The following DDX21 variants were observed in gnomAD, a reference collection of about 807,000 sequenced individuals.
DDX21 encodes the protein nucleolar RNA helicase 2.
DDX21 carries 18 observed loss-of-function variants against 90.0 expected under a neutral mutation model. That is an observed-to-expected ratio of 0.20 (90% CI 0.14 to 0.30). The LOEUF (loss-of-function observed/expected upper bound fraction) is 0.30. DDX21 is among the 10% of genes least tolerant of loss of function. The probability of loss-of-function intolerance (pLI) is 1.00; values close to 1 mark genes in which losing one functional copy is unlikely to be tolerated. For synonymous variants in DDX21, 294 were observed against 318.0 expected (o/e 0.92, Z 0.80); for missense variants, 673 against 944.5 (o/e 0.71, Z 3.77).
chr10:68,967,722 A>G (rs1486043929), intron 6 of DDX21, among the ~76,000 whole-genome samples: 1 of 152,166 alleles, frequency 6.6e-6, no homozygotes, highest in Non-Finnish European at 1.5e-5. Context: ...TTTATTGTAT[A>G]TATGTGTTGA....
At chr10:68,969,186 T>C in intron 7 of DDX21, 65 bp downstream of exon 7, 1 of 1,438,882 alleles carries the variant, frequency 6.9e-7, no homozygotes, top group African/African-American at 1.4e-5. Flanking sequence ...CTGTTAGTAT[T>C]AAGACTGGCA....
intron 3 of DDX21, among the ~76,000 whole-genome samples, chr10:68,962,484 C>T (rs1842885853): frequency 6.6e-6 from 1 of 152,172 alleles, no homozygotes; most frequent in African/African-American, 2.4e-5. Flanking sequence ...CACGTGGTAA[C>T]ACACATCTAT....
intron 13 of DDX21, among the ~76,000 whole-genome samples, chr10:68,979,560 T>G (rs2132095613): frequency 6.6e-6 from 1 of 152,342 alleles, no homozygotes; most frequent in African/African-American, 2.4e-5. Flanking sequence ...AGCAATGATT[T>G]TATCACGTCA....
chr10:68,980,176 G>A (rs781707777), intron 13 of DDX21, among the ~76,000 whole-genome samples: 38 of 152,260 alleles, frequency 2.5e-4, no homozygotes, highest in Admixed American at 4.6e-4. Flanking sequence ...GGTGGCAGAG[G>A]TTGCGGTGAG....
chr10:68,962,192 C>T (rs769742940), intron 3 of DDX21, 35 bp downstream of exon 3: 16 of 1,472,912 alleles, frequency 1.1e-5, no homozygotes, highest in East Asian at 6.8e-5. Context: ...GATGTTAGAA[C>T]GTATTATTTT....
At position 68,970,104 on chromosome 10, in the gene DDX21, A is replaced by G. The variant is rs1309259081; in HGVS notation, c.1237-97A>G. ...GAGTAGTTGTTTCCAGGAGCAAGACATTAGAACATTAGTGTTGTGCTCACT... is the reference window on the plus strand; with the variant it reads ...GAGTAGTTGTTTCCAGGAGCAAGACGTTAGAACATTAGTGTTGTGCTCACT... On this transcript the variant is annotated intron_variant, in intron 7 of 14. Transcript: ENST00000354185. 3.3e-6 allele frequency: 4 copies of G among 1,199,430 alleles called. No homozygotes were observed. The East Asian group carries it at 9.8e-5, about 29-fold the overall frequency. 74.3% of individuals were successfully genotyped at this position (1,199,430 alleles called of 1,614,324 possible).
At chr10:68,981,183 A>T (rs1442243074) in intron 13 of DDX21, among the ~76,000 whole-genome samples, 1 of 152,234 alleles carries the variant, frequency 6.6e-6, no homozygotes, top group Admixed American at 6.5e-5. Context: ...GCCATTTAAT[A>T]GCTGTGGGGC....
chr10:68,970,276 C>A lies in DDX21; in HGVS notation c.1312C>A (p.Gln438Lys). ...GDVIRVYSGH[Q>K]GRTIIFCETK... ...TGTCATCCGAGTATATAGTGGTCAT[C>A]AAGGACGCACTATCATCTTTTGTGA... Residue 438 changes from glutamine to lysine, a missense_variant, in exon 8 of 15, where the codon CAA becomes AAA. Gln to Lys is a moderately conservative substitution (Grantham distance 53). Around this residue, in one of 4 missense-constraint regions of DDX21, gnomAD observed 218 missense variants for 347.3 expected, o/e 0.63. Transcript: ENST00000354185. 1 of 1,614,020 alleles carries A rather than the reference C, an allele frequency of 6.2e-7. No homozygotes were observed. The highest frequency in any genetic ancestry group is 8.5e-7 in the Non-Finnish European group (1 of 1,179,952).
At chr10:68,964,660 A>G (rs1287290222) in intron 4 of DDX21, among the ~76,000 whole-genome samples, 2 of 41,206 alleles carry the variant, frequency 4.9e-5, no homozygotes, top group Admixed American at 3.0e-4. Flanking sequence ...CTGCACCTGG[A>G]CTTTTTTTTT....
intron 11 of DDX21, among the ~76,000 whole-genome samples, chr10:68,976,724 A>C (rs1843106793): frequency 6.6e-6 from 1 of 152,184 alleles, no homozygotes; most frequent in South Asian, 2.1e-4. Flanking sequence ...GAATGGGACA[A>C]AGATGCTGGT....
chr10:68,963,809 G>A (rs901942648), intron 4 of DDX21, among the ~76,000 whole-genome samples: 9 of 152,064 alleles, frequency 5.9e-5, no homozygotes, highest in African/African-American at 2.2e-4. Flanking sequence ...AGCATTTTTG[G>A]TAGAAAAGCA....
rs780392199 is a variant in DDX21 at position 68,960,049 on chromosome 10, A to T, written c.331A>T (p.Thr111Ser). Reference sequence around the variant, plus strand: ...TGAAAAGAAAGTGGTTTCTTCTAAAACCAAAAAAGTGACAAAAAATGAGGA... The same window carrying T: ...TGAAAAGAAAGTGGTTTCTTCTAAATCCAAAAAAGTGACAAAAAATGAGGA... ...PIEKKVVSSKTKKVTKNEEPS... is the reference protein window; with the variant it reads ...PIEKKVVSSKSKKVTKNEEPS... Residue 111 changes from threonine (T) to serine (S), a missense_variant, in exon 2 of 15, where the codon ACC (threonine) becomes TCC (serine). Coordinates refer to ENST00000354185, the MANE Select transcript of DDX21 (RefSeq NM_004728.4). The T allele has an allele frequency of 6.2e-7, 1 of 1,604,664 alleles. No homozygotes were observed. Among genetic ancestry groups the T allele is most frequent in the Non-Finnish European group, 8.5e-7 (1 of 1,177,988 alleles).
intron 5 of DDX21, among the ~76,000 whole-genome samples, chr10:68,966,676 C>T (rs1366882084): frequency 6.6e-6 from 1 of 151,952 alleles, no homozygotes; most frequent in Non-Finnish European, 1.5e-5. Context: ...CTCCTGATCT[C>T]ATGATCCACC....
chr10:68,976,954 T>C (rs1038466777), intron 11 of DDX21, among the ~76,000 whole-genome samples: 60 of 152,144 alleles, frequency 3.9e-4, no homozygotes, highest in African/African-American at 1.4e-3. Flanking sequence ...ATTTTCTTTT[T>C]TTTTTAAAGA....
Position 68,977,710 on chromosome 10 carries a change from C to T in DDX21, c.1902+22C>T, listed in dbSNP as rs779224743. On this transcript the variant is annotated intron_variant, in intron 12 of 14. Coordinates refer to ENST00000354185, the MANE Select transcript of DDX21 (RefSeq NM_004728.4). Reference sequence around the variant, plus strand: ...TGTGGTAAGGTTCTGCAGCACATTCCTGACACTTCATAATTTGGGGTATGA... The same window carrying T: ...TGTGGTAAGGTTCTGCAGCACATTCTTGACACTTCATAATTTGGGGTATGA... 1.9e-6 allele frequency: 3 copies of T among 1,587,544 alleles called. No individual in the cohort carries two copies. The South Asian group carries it at 3.4e-5, about 18-fold the overall frequency.
rs765792482 is a variant in DDX21 at position 68,980,015 on chromosome 10, C to T, written c.2037+1039C>T. Among the ~76,000 whole-genome samples, 16 of 152,180 alleles carry T rather than the reference C, an allele frequency of 1.1e-4. No homozygotes were observed. The South Asian group carries it at 2.7e-3, about 26-fold the overall frequency. ...CAGCACTTTGGGAGGCTGAGGTGGACGGATCACCTGAGGTCGGGAGTTTGA... is the reference window on the plus strand; with the variant it reads ...CAGCACTTTGGGAGGCTGAGGTGGATGGATCACCTGAGGTCGGGAGTTTGA... On this transcript the variant is annotated intron_variant, in intron 13 of 14. Transcript: ENST00000354185.
chr10:68,958,079 T>G (rs1842824107), intron 1 of DDX21, among the ~76,000 whole-genome samples: 1 of 152,122 alleles, frequency 6.6e-6, no homozygotes. Context: ...AGACTGTGAG[T>G]TTTTATAACT....
chr10:68,978,644 T>C (rs964535148), intron 12 of DDX21, among the ~76,000 whole-genome samples, 198 bp from the exon 13 acceptor site: 5 of 152,206 alleles, frequency 3.3e-5, no homozygotes, highest in African/African-American at 1.2e-4. Context: ...AACCAAGATA[T>C]TGACATTGGT....
At chr10:68,977,104 G>A (rs918560482) in intron 11 of DDX21, among the ~76,000 whole-genome samples, 2 of 151,888 alleles carry the variant, frequency 1.3e-5, no homozygotes, top group African/African-American at 4.8e-5. Flanking sequence ...AATGGAAATA[G>A]GTTTTTTCTG....
Sources: allele counts gnomAD v4.1 joint callset (sites outside exome capture counted in the v4.1 genomes callset), GRCh38; gene constraint gnomAD v4.1.1; regional missense constraint gnomAD v4.1.1; transcripts MANE v1.5; gene names NCBI Gene and HGNC (gene_info 2026-07-23, HGNC 2026-07-21).